Variants in STEAP4 observed in about 807,000 individuals in gnomAD.
STEAP4 encodes metalloreductase STEAP4.
Under a neutral mutation model 43.6 loss-of-function variants are expected in STEAP4, and 36 were observed. The observed-to-expected ratio is 0.83, with a 90% CI of 0.63 to 1.09. STEAP4 has a LOEUF of 1.09. STEAP4 is among the 50% of genes least tolerant of loss of function. The probability of loss-of-function intolerance (pLI) is 0.00; values close to 1 mark genes in which losing one functional copy is unlikely to be tolerated. For missense variants in STEAP4, 495 were observed against 546.5 expected (o/e 0.91, Z 0.94); for synonymous variants, 191 against 196.7 (o/e 0.97, Z 0.24).
In STEAP4 at chr7:88,274,370, G is replaced by A. The variant is rs1340200551; in HGVS notation, c.*5028C>T. The A allele has an allele frequency of 6.6e-6, 1 of 152,110 alleles. No homozygotes were observed. Among genetic ancestry groups the A allele is most frequent in the African/African-American group, 2.4e-5 (1 of 41,404 alleles). 9.4% of individuals were successfully genotyped at this position (152,110 alleles called of 1,614,324 possible). ...TACTGGATCCTTTTGGCTTTTGCTG[G>A]GTAATGGCAAGAGCACTGTCTTGCT... On this transcript the variant is annotated 3_prime_UTR_variant, in exon 5 of 5. Coordinates refer to ENST00000380079, the MANE Select transcript of STEAP4 (RefSeq NM_024636.4).
In STEAP4 at chr7:88,272,003, G is replaced by A. The variant is rs1852443416; in HGVS notation, c.*7395C>T. ...CATACTCTTTGTATAGTTTCCAGCT[G>A]GTTGGTGTAGTAGTTGTAGTTGGCA... On this transcript the variant is annotated 3_prime_UTR_variant, in exon 5 of 5. Transcript: ENST00000380079. 6.6e-6 allele frequency: 1 copy of A among 152,220 alleles called. No homozygotes were observed. Among genetic ancestry groups the A allele is most frequent in the Admixed American group, 6.5e-5 (1 of 15,290 alleles). The allele number at this position is 152,220 out of a possible 1,614,324, so 9.4% of individuals were successfully genotyped here.
Position 88,282,987 on chromosome 7 carries a change from A to T in STEAP4, c.638T>A (p.Phe213Tyr). ...PFYLSAVLCVFLFFYCVIRDV... is the reference protein window; with the variant it reads ...PFYLSAVLCVYLFFYCVIRDV... Reference sequence around the variant, plus strand: ...TCTTATAACACAATAGAAAAACAAGAAGACACACAGCACAGCAGACAAATA... The same window carrying T: ...TCTTATAACACAATAGAAAAACAAGTAGACACACAGCACAGCAGACAAATA... Residue 213 changes from phenylalanine to tyrosine, a missense_variant, in exon 3 of 5, where the codon TTC becomes TAC. Physicochemically the swap from Phe to Tyr is conservative, Grantham distance 22 (BLOSUM62 3). Transcript: ENST00000380079. 3.1e-6 allele frequency: 5 copies of T among 1,613,636 alleles called. No individual in the cohort carries two copies. The South Asian group carries it at 5.5e-5, about 18-fold the overall frequency.
chr7:88,287,179 G>A (rs1852751450), intron 1 of STEAP4, among the ~76,000 whole-genome samples: 1 of 152,188 alleles, frequency 6.6e-6, no homozygotes, highest in African/African-American at 2.4e-5. Context: ...CTACAGTTAT[G>A]AGATATCTCC....
chr7:88,286,339 G>T lies in STEAP4; in HGVS notation c.-2-2068C>A, dbSNP rs185677287. On this transcript the variant is annotated intron_variant, in intron 1 of 4. Coordinates refer to ENST00000380079, the MANE Select transcript of STEAP4 (RefSeq NM_024636.4). Reference sequence around the variant, plus strand: ...CATATTTATATGAGTATAACTCAAAGAAAGTTAAACACCATTTTATATTTG... The same window carrying T: ...CATATTTATATGAGTATAACTCAAATAAAGTTAAACACCATTTTATATTTG... 1.1e-4 allele frequency among the ~76,000 whole-genome samples: 17 copies of T among 152,180 alleles called. No homozygotes were observed. The East Asian group carries it at 3.1e-3, about 28-fold the overall frequency.
intron 1 of STEAP4, among the ~76,000 whole-genome samples, chr7:88,291,808 T>C (rs889576048): frequency 2.6e-5 from 4 of 152,120 alleles, no homozygotes; most frequent in African/African-American, 9.7e-5. Context: ...AAACACAACA[T>C]AGGGGTTTCC....
intron 1 of STEAP4, among the ~76,000 whole-genome samples, chr7:88,286,782 C>CACACAA (rs1204390823): frequency 6.8e-6 from 1 of 147,690 alleles, no homozygotes; most frequent in Non-Finnish European, 1.5e-5. Context: ...CACACACACA[C>CACACAA]ACACACACAC....
chr7:88,279,431 G>T lies in STEAP4; in HGVS notation c.1347C>A (p.Ile449=), dbSNP rs749105592. 1 of 1,614,018 alleles carries T rather than the reference G, an allele frequency of 6.2e-7. No individual in the cohort carries two copies. Among genetic ancestry groups the T allele is most frequent in the Admixed American group, 1.7e-5 (1 of 59,996 alleles). ...MPCVDNTLTR[I]RQGWERNSKH ...TTGAGTTCCTTTCCCAGCCCTGGCG[G>T]ATCCTTGTAAGGGTGTTGTCTACAC... The change falls in exon 5 of 5, where the codon ATC becomes ATA. Residue 449 remains isoleucine, a synonymous_variant. Coordinates refer to ENST00000380079, the MANE Select transcript of STEAP4 (RefSeq NM_024636.4).
chr7:88,279,716 A>C, intron 4 of STEAP4, 88 bp from the exon 5 acceptor site: 1 of 1,109,426 alleles, frequency 9.0e-7, no homozygotes, highest in Non-Finnish European at 1.3e-6. Context: ...ATTTGTCAAC[A>C]ACCACAAACA....
Position 88,283,828 on chromosome 7 carries a change from C to T in STEAP4, c.442G>A (p.Asp148Asn). The T allele has an allele frequency of 6.2e-7, 1 of 1,611,722 alleles. No individual in the cohort carries two copies. Among genetic ancestry groups the T allele is most frequent in the African/African-American group, 1.3e-5 (1 of 74,942 alleles). ...TTTATTCTTACCTGCCGACTTGCAT[C>T]CAGTGCTCCTGACTGGAGAGCCCAG... ...SAWALQSGAL[D>N]ASRQVFVCGN... The change falls in exon 2 of 5, where the codon GAT becomes AAT. Residue 148 changes from aspartate to asparagine, a missense_variant. By Grantham distance (23) the Asp-to-Asn change is conservative (BLOSUM62 1). Transcript: ENST00000380079.
chr7:88,278,508 CATATT>C lies in STEAP4; in HGVS notation c.*885_*889del, dbSNP rs1487179635. ...TATTTGGAATATAAAATTTACAAAG[CATATT>C]ATAATACCTAAATAATACTTAACCT... On this transcript the variant is annotated 3_prime_UTR_variant, in exon 5 of 5. Coordinates refer to ENST00000380079, the MANE Select transcript of STEAP4 (RefSeq NM_024636.4). The C allele has an allele frequency of 1.3e-5, 2 of 152,218 alleles. No individual in the cohort carries two copies. The highest frequency in any genetic ancestry group is 3.9e-4 in the East Asian group (2 of 5,188). The allele number at this position is 152,218 out of a possible 1,614,324, so 9.4% of individuals were successfully genotyped here.
At position 88,276,906 on chromosome 7, in the gene STEAP4, G is replaced by C. The variant is rs536841584; in HGVS notation, c.*2492C>G. Reference sequence around the variant, plus strand: ...TCATGAATTGCTTTTAACTACTCAGGTAGAGCATTTTTACTAGGCTATAAA... The same window carrying C: ...TCATGAATTGCTTTTAACTACTCAGCTAGAGCATTTTTACTAGGCTATAAA... On this transcript the variant is annotated 3_prime_UTR_variant, in exon 5 of 5. Coordinates refer to ENST00000380079, the MANE Select transcript of STEAP4 (RefSeq NM_024636.4). The C allele has an allele frequency of 1.3e-5, 2 of 152,272 alleles. No homozygotes were observed. Among genetic ancestry groups the C allele is most frequent in the East Asian group, 3.9e-4 (2 of 5,182 alleles). The allele number at this position is 152,272 out of a possible 1,614,324, so 9.4% of individuals were successfully genotyped here.
At chr7:88,289,236 G>A (rs975017878) in intron 1 of STEAP4, among the ~76,000 whole-genome samples, 4 of 152,084 alleles carry the variant, frequency 2.6e-5, no homozygotes, top group African/African-American at 9.7e-5. Context: ...TTTACTCTGT[G>A]TCCCAGGCAC....
At chr7:88,283,366 T>G (rs1435438159) in intron 2 of STEAP4, 198 bp from the exon 3 acceptor site, 58 of 566,420 alleles carry the variant, frequency 1.0e-4, no homozygotes, top group Non-Finnish European at 9.6e-5. Context: ...AGTACCAGGG[T>G]TTTTAGTTGA....
intron 1 of STEAP4, among the ~76,000 whole-genome samples, chr7:88,301,381 T>A (rs536131603): frequency 1.6e-4 from 25 of 152,252 alleles, no homozygotes; most frequent in African/African-American, 5.8e-4. Context: ...CAAGAGATCT[T>A]CCCACTTCCG....
chr7:88,293,429 A>G (rs1216607026), intron 1 of STEAP4, among the ~76,000 whole-genome samples: 3 of 152,054 alleles, frequency 2.0e-5, no homozygotes, highest in Non-Finnish European at 4.4e-5. Flanking sequence ...GTCTTAACAC[A>G]TCCGAAGTCA....
rs1586742995 is a variant in STEAP4, at chr7:88,280,942, G to C, written c.1122C>G (p.Val374=). 6 of 1,610,940 alleles carry C rather than the reference G, an allele frequency of 3.7e-6. No individual in the cohort carries two copies. The highest frequency in any genetic ancestry group is 5.1e-6 in the Non-Finnish European group (6 of 1,178,840). The change falls in exon 4 of 5, where the codon GTC becomes GTG. Residue 374 remains valine, a synonymous_variant. Transcript: ENST00000380079. ...GGACAAATCGGAACTCTCTCCAGTT[G>C]ACTGCATTGCTAACAGATGGCAAAG... ...ITSLPSVSNA[V]NWREFRFVQS...
At position 88,276,490 on chromosome 7, in the gene STEAP4, G is replaced by A. The variant is rs1852514918; in HGVS notation, c.*2908C>T. 1.3e-5 allele frequency: 2 copies of A among 152,192 alleles called. No homozygotes were observed. The highest frequency in any genetic ancestry group is 4.8e-5 in the African/African-American group (2 of 41,446). 9.4% of individuals were successfully genotyped at this position (152,192 alleles called of 1,614,324 possible). A position where few individuals can be genotyped will look rare whatever the true frequency, so the allele number is the denominator to read the frequency against. ...AAAAGCCATCATCCCTTAACATGGGGAAAGTGTACAAAAATAATGTGAAAG... is the reference window on the plus strand; with the variant it reads ...AAAAGCCATCATCCCTTAACATGGGAAAAGTGTACAAAAATAATGTGAAAG... On this transcript the variant is annotated 3_prime_UTR_variant, in exon 5 of 5. Coordinates refer to ENST00000380079, the MANE Select transcript of STEAP4 (RefSeq NM_024636.4).
chr7:88,295,937 T>C (rs1487919014), intron 1 of STEAP4, among the ~76,000 whole-genome samples: 1 of 152,164 alleles, frequency 6.6e-6, no homozygotes, highest in Admixed American at 6.5e-5. Context: ...CTTCTTTGGC[T>C]GAGAAGCTAG....
chr7:88,302,689 C>G (rs1231970159), intron 1 of STEAP4, among the ~76,000 whole-genome samples: 2 of 151,984 alleles, frequency 1.3e-5, no homozygotes, highest in African/African-American at 4.8e-5. Flanking sequence ...TGCGGTCACT[C>G]ACGCCTGTAA....
Sources: gnomAD v4.1 joint callset for allele counts (sites outside exome capture counted in the v4.1 genomes callset) on GRCh38, gnomAD v4.1.1 for gene constraint, MANE v1.5 for transcripts, NCBI Gene and HGNC (gene_info 2026-07-23, HGNC 2026-07-21) for gene names.